CRACDL: variants seen among roughly 807,000 people sequenced by gnomAD.
CRACDL encodes the protein CRACD-like protein.
Under a neutral mutation model 70.6 loss-of-function variants are expected in CRACDL, and 26 were observed. The ratio of observed to expected loss-of-function variants is 0.37; its 90% confidence interval spans 0.27 to 0.51. CRACDL has a LOEUF of 0.51. Ranked by LOEUF, CRACDL falls within the 20% of genes least tolerant of loss-of-function variation. The pLI, the probability that CRACDL is intolerant of heterozygous loss-of-function variation, is 0.94. For synonymous variants in CRACDL, 618 were observed against 615.2 expected (o/e 1.00, Z -0.07); for missense variants, 1,283 against 1,376.9 (o/e 0.93, Z 1.08).
chr2:98,864,604 C>T (rs552245296), intron 1 of CRACDL, among the ~76,000 whole-genome samples: 13 of 150,322 alleles, frequency 8.6e-5, no homozygotes, highest in Admixed American at 5.3e-4. Context: ...TTGAGTGCAG[C>T]GGCACGATCT....
chr2:98,928,027 C>CA (rs1197077641), intron 1 of CRACDL, among the ~76,000 whole-genome samples: 2 of 151,034 alleles, frequency 1.3e-5, no homozygotes, highest in African/African-American at 2.4e-5. Context: ...CTAAAAATAC[C>CA]AAAAAAAATT....
intron 5 of CRACDL, among the ~76,000 whole-genome samples, chr2:98,831,318 C>T (rs1192283438): frequency 1.3e-5 from 2 of 152,196 alleles, no homozygotes; most frequent in Non-Finnish European, 2.9e-5. Flanking sequence ...GTTCGGGGAA[C>T]TCACAACTAC....
chr2:98,822,179 G>A lies in CRACDL; in HGVS notation c.2094C>T (p.Gly698=), dbSNP rs1177611747. Residue 698 remains glycine, a synonymous_variant, in exon 7 of 10, where the codon GGC becomes GGT. Coordinates refer to ENST00000397899, the MANE Select transcript of CRACDL (RefSeq NM_207362.3). This position sits in a 1 kb window ranked among gnomAD's most constrained non-coding sequence, Gnocchi z 4.9. ...TCACACCCTTCACCTCCTGAGAGGCGCCATCCCTGTATTTGAGCGAGAGGG... is the reference window on the plus strand; with the variant it reads ...TCACACCCTTCACCTCCTGAGAGGCACCATCCCTGTATTTGAGCGAGAGGG... The part of the protein sequence containing the change: ...STSLSLKYRD[G]ASQEVKGVKR... The A allele has an allele frequency of 3.1e-6, 5 of 1,610,934 alleles. No homozygotes were observed. Among genetic ancestry groups the A allele is most frequent in the East Asian group, 2.2e-5 (1 of 44,788 alleles).
chr2:98,874,397 G>A (rs1707427627), intron 1 of CRACDL, among the ~76,000 whole-genome samples: 1 of 152,210 alleles, frequency 6.6e-6, no homozygotes, highest in Admixed American at 6.5e-5. Context: ...TGGCTCTGTG[G>A]GAACACCAGA....
At chr2:98,854,234 T>C (rs1652728559) in intron 1 of CRACDL, among the ~76,000 whole-genome samples, 1 of 129,348 alleles carries the variant, frequency 7.7e-6, no homozygotes, top group African/African-American at 3.0e-5. Flanking sequence ...TGAGCCAAGA[T>C]CATGCCATTG....
rs140692515 is a variant in CRACDL at position 98,842,086 on chromosome 2, A to G, written c.71-3799T>C. 5.7e-3 allele frequency among the ~76,000 whole-genome samples: 868 copies of G among 152,000 alleles called. 11 individuals are homozygous for G. Among genetic ancestry groups the G allele is most frequent in the African/African-American group, 0.02 (832 of 41,446 alleles). On this transcript the variant is annotated intron_variant, in intron 2 of 9. Coordinates refer to ENST00000397899, the MANE Select transcript of CRACDL (RefSeq NM_207362.3). ...GTTTCTTAAACCTGTGGGTTGGGTC[A>G]TCTTTTTGATAAAATCCAGAAAATT...
intron 1 of CRACDL, among the ~76,000 whole-genome samples, chr2:98,882,760 C>T (rs759648146): frequency 2.6e-5 from 4 of 152,170 alleles, no homozygotes; most frequent in South Asian, 2.1e-4. Flanking sequence ...CGATTCCACA[C>T]GGAATGCTTT....
chr2:98,883,100 C>A (rs182020147), intron 1 of CRACDL, among the ~76,000 whole-genome samples: 1 of 152,176 alleles, frequency 6.6e-6, no homozygotes, highest in African/African-American at 2.4e-5. Context: ...CATAGGCAGA[C>A]CCAGGTAGTG....
intron 7 of CRACDL, among the ~76,000 whole-genome samples, chr2:98,818,071 A>G (rs116456523): frequency 2.5e-4 from 38 of 152,286 alleles, no homozygotes; most frequent in Non-Finnish European, 4.7e-4. Context: ...AAGCTGCTTT[A>G]TGACCTGTAA....
intron 2 of CRACDL, among the ~76,000 whole-genome samples, chr2:98,843,706 C>T (rs1285788259): frequency 1.3e-5 from 2 of 152,040 alleles, no homozygotes; most frequent in Admixed American, 6.6e-5. Flanking sequence ...AACTCTACTC[C>T]CTTCTGTCTC....
intron 1 of CRACDL, among the ~76,000 whole-genome samples, chr2:98,929,322 T>A (rs1297092979): frequency 6.6e-6 from 1 of 152,206 alleles, no homozygotes; most frequent in Non-Finnish European, 1.5e-5. Context: ...CCGATGCCCT[T>A]GGACCTGGTG....
intron 1 of CRACDL, among the ~76,000 whole-genome samples, chr2:98,881,064 G>A (rs1024151337): frequency 6.6e-6 from 1 of 152,192 alleles, no homozygotes; most frequent in Non-Finnish European, 1.5e-5. Context: ...CGACACGTCA[G>A]ATGGGCCGCA....
intron 7 of CRACDL, among the ~76,000 whole-genome samples, chr2:98,818,946 C>T (rs1193615896): frequency 6.6e-6 from 1 of 152,216 alleles, no homozygotes; most frequent in Non-Finnish European, 1.5e-5. Flanking sequence ...CCTTCCCTCT[C>T]TCTGTGTTAA....
At chr2:98,935,267 G>C (rs774773762) in intron 1 of CRACDL, among the ~76,000 whole-genome samples, 14 of 152,118 alleles carry the variant, frequency 9.2e-5, no homozygotes, top group Non-Finnish European at 1.5e-4. Flanking sequence ...CCTGCAGGCG[G>C]TTTGCACCTA....
chr2:98,835,668 T>A (rs1029927444), intron 3 of CRACDL, among the ~76,000 whole-genome samples: 1 of 152,110 alleles, frequency 6.6e-6, no homozygotes, highest in Non-Finnish European at 1.5e-5. Flanking sequence ...GGGGGCCACG[T>A]CATTACTCTG....
chr2:98,816,457 G>C (rs1375677798), intron 7 of CRACDL, among the ~76,000 whole-genome samples: 1 of 152,148 alleles, frequency 6.6e-6, no homozygotes, highest in Non-Finnish European at 1.5e-5. Context: ...TGAGTATCTG[G>C]GTAGATGGAG....
intron 7 of CRACDL, among the ~76,000 whole-genome samples, chr2:98,800,977 C>T (rs1704050637): frequency 6.6e-6 from 1 of 152,138 alleles, no homozygotes; most frequent in Non-Finnish European, 1.5e-5. Flanking sequence ...ACATGCAGAC[C>T]CACGGGAGTG....
chr2:98,835,703 C>G (rs1705747837), intron 3 of CRACDL, among the ~76,000 whole-genome samples: 1 of 152,182 alleles, frequency 6.6e-6, no homozygotes, highest in African/African-American at 2.4e-5. Context: ...AAAGGAGAGC[C>G]AAGCATGATC....
chr2:98,845,891 A>G (rs1706235026), intron 2 of CRACDL, among the ~76,000 whole-genome samples: 1 of 152,200 alleles, frequency 6.6e-6, no homozygotes, highest in Non-Finnish European at 1.5e-5. Context: ...TAATAAGAAA[A>G]AATCTATCTT....
Sources: allele counts gnomAD v4.1 joint callset (sites outside exome capture counted in the v4.1 genomes callset), GRCh38; gene constraint gnomAD v4.1.1; non-coding constraint Gnocchi (gnomAD v3.1); transcripts MANE v1.5; gene names NCBI Gene and HGNC (gene_info 2026-07-23, HGNC 2026-07-21).